The following SLC13A3 variants were observed in gnomAD, a reference collection of about 807,000 sequenced individuals.
SLC13A3 encodes Na(+)/dicarboxylate cotransporter 3.
A neutral mutation model predicts 59.0 loss-of-function variants in SLC13A3; 40 were observed. The observed-to-expected ratio is 0.68, with a 90% CI of 0.53 to 0.88. The LOEUF is 0.88. Among genes scored for constraint, SLC13A3 ranks in the 40% least tolerant of loss-of-function variants. The pLI, the probability that SLC13A3 is intolerant of heterozygous loss-of-function variation, is 0.00. For missense variants in SLC13A3, 699 were observed against 783.2 expected (o/e 0.89, Z 1.28); for synonymous variants, 317 against 330.3 (o/e 0.96, Z 0.44).
At chr20:46,593,119 G>A (rs963530041) in intron 5 of SLC13A3, among the ~76,000 whole-genome samples, 1 of 152,158 alleles carries the variant, frequency 6.6e-6, no homozygotes, top group African/African-American at 2.4e-5. Flanking sequence ...TCCAATCTCA[G>A]TTTTATTAAG....
At chr20:46,598,044 A>G (rs917915341) in intron 4 of SLC13A3, among the ~76,000 whole-genome samples, 4 of 152,224 alleles carry the variant, frequency 2.6e-5, no homozygotes, top group African/African-American at 9.6e-5. Flanking sequence ...TGAATCTGAA[A>G]AAAAGATAAA....
At chr20:46,647,472 C>T (rs1187936863) in intron 1 of SLC13A3, among the ~76,000 whole-genome samples, 1 of 152,140 alleles carries the variant, frequency 6.6e-6, no homozygotes, top group Non-Finnish European at 1.5e-5. Context: ...ACCTCTAACT[C>T]GCAGGATGGC....
intron 1 of SLC13A3, among the ~76,000 whole-genome samples, chr20:46,625,634 C>T (rs2062660941): frequency 6.6e-6 from 1 of 152,236 alleles, no homozygotes; most frequent in Admixed American, 6.5e-5. Flanking sequence ...CCCACATCCT[C>T]TCCAAAACAG....
At chr20:46,582,016 G>A (rs558651348) in intron 9 of SLC13A3, among the ~76,000 whole-genome samples, 1 of 152,306 alleles carries the variant, frequency 6.6e-6, no homozygotes, top group East Asian at 1.9e-4. Flanking sequence ...GGTCGCACAT[G>A]GTGGCTCATA....
chr20:46,651,963 T>C (rs573341120), upstream of SLC13A3, among the ~76,000 whole-genome samples: 8 of 152,332 alleles, frequency 5.3e-5, no homozygotes, highest in African/African-American at 1.9e-4. Context: ...TGGAGGCCAT[T>C]ATCCTTAGCA....
In SLC13A3 at chr20:46,623,183, T is replaced by C. The variant is rs113897432; in HGVS notation, c.112-9458A>G. Reference sequence around the variant, plus strand: ...AGAAAAGAAAATGGAATACAATGGTTGAGAACAGTGACATGCAGTCACCTG... The same window carrying C: ...AGAAAAGAAAATGGAATACAATGGTCGAGAACAGTGACATGCAGTCACCTG... On this transcript the variant is annotated intron_variant, in intron 1 of 12. Coordinates refer to ENST00000279027, the MANE Select transcript of SLC13A3 (RefSeq NM_022829.6). Among the ~76,000 whole-genome samples, 960 of 152,304 alleles carry C rather than the reference T, an allele frequency of 6.3e-3. 14 individuals carry two copies. The highest frequency in any genetic ancestry group is 0.022 in the African/African-American group (920 of 41,582).
chr20:46,592,821 T>C (rs548740262), intron 5 of SLC13A3, among the ~76,000 whole-genome samples: 104 of 152,282 alleles, frequency 6.8e-4, no homozygotes, highest in Non-Finnish European at 1.2e-3. Flanking sequence ...GGCTGGGCCA[T>C]GGTGAATTGA....
chr20:46,604,728 A>G (rs1425258856), intron 3 of SLC13A3, among the ~76,000 whole-genome samples: 2 of 152,158 alleles, frequency 1.3e-5, no homozygotes, highest in African/African-American at 4.8e-5. Context: ...GCCCTGGGCC[A>G]TAGGGATGAG....
chr20:46,638,770 G>A (rs958770656), intron 1 of SLC13A3, among the ~76,000 whole-genome samples: 1 of 152,190 alleles, frequency 6.6e-6, no homozygotes, highest in Non-Finnish European at 1.5e-5. Flanking sequence ...TGGGGCAGCG[G>A]TTCTCAGCCT....
chr20:46,590,584 GA>G (rs2062243247), intron 6 of SLC13A3, among the ~76,000 whole-genome samples: 1 of 152,126 alleles, frequency 6.6e-6, no homozygotes, highest in African/African-American at 2.4e-5. Flanking sequence ...CCAAACCTAT[GA>G]AAAGTTGCCC....
intron 7 of SLC13A3, 83 bp downstream of exon 7, chr20:46,589,077 A>G: frequency 8.1e-7 from 1 of 1,242,206 alleles, no homozygotes; most frequent in Non-Finnish European, 1.1e-6. Context: ...CTCAGCCCCC[A>G]TGGGCCCAAG....
At chr20:46,646,763 A>G (rs2062898177) in intron 1 of SLC13A3, among the ~76,000 whole-genome samples, 1 of 152,254 alleles carries the variant, frequency 6.6e-6, no homozygotes, top group Non-Finnish European at 1.5e-5. Flanking sequence ...TAGTACAGGC[A>G]CAATGTATTA....
chr20:46,651,172 A>T, intron 1 of SLC13A3, 139 bp downstream of exon 1: 1 of 1,318,736 alleles, frequency 7.6e-7, no homozygotes, highest in Non-Finnish European at 9.7e-7. Flanking sequence ...GGTCCGCGGC[A>T]GGTGCAAGGG....
intron 11 of SLC13A3, 58 bp from the exon 12 acceptor site, chr20:46,563,609 CAAGAGG>C: frequency 2.5e-6 from 2 of 784,390 alleles, no homozygotes; most frequent in African/African-American, 3.4e-5. Flanking sequence ...GCGACCACAG[CAAGAGG>C]GAGAGAGAGA....
Position 46,589,179 on chromosome 20 carries a change from G to T in SLC13A3, c.997C>A (p.Gln333Lys). The T allele has an allele frequency of 6.2e-7, 1 of 1,614,078 alleles. No homozygotes were observed. Among genetic ancestry groups the T allele is most frequent in the Non-Finnish European group, 8.5e-7 (1 of 1,179,980 alleles). The change falls in exon 7 of 13, where the codon CAG becomes AAG. Residue 333 changes from glutamine (Q) to lysine (K), a missense_variant. Physicochemically the swap from Gln to Lys is moderately conservative, Grantham distance 53. Transcript: ENST00000279027. Reference sequence around the variant, plus strand: ...ACATACTTGATGGGCCCCAGGTTCTGGTATTCTTCCCGAATTACAGCTCGA... The same window carrying T: ...ACATACTTGATGGGCCCCAGGTTCTTGTATTCTTCCCGAATTACAGCTCGA... ...RARAVIREEYQNLGPIKFAEQ... is the reference protein window; with the variant it reads ...RARAVIREEYKNLGPIKFAEQ...
At chr20:46,571,280 T>C (rs1399446766) in intron 10 of SLC13A3, among the ~76,000 whole-genome samples, 2 of 152,164 alleles carry the variant, frequency 1.3e-5, no homozygotes, top group Non-Finnish European at 2.9e-5. Context: ...ATAATAAAGA[T>C]GACAGACTTC....
At chr20:46,583,735 T>C (rs2094920387) in intron 8 of SLC13A3, 66 bp from the exon 9 acceptor site, 1 of 1,595,316 alleles carries the variant, frequency 6.3e-7, no homozygotes, top group Non-Finnish European at 8.5e-7. Context: ...TTGGCAGAAT[T>C]GTAAAGGAGG....
intron 1 of SLC13A3, among the ~76,000 whole-genome samples, chr20:46,636,240 A>T (rs2062794266): frequency 6.6e-6 from 1 of 152,034 alleles, no homozygotes; most frequent in African/African-American, 2.4e-5. Flanking sequence ...CTGCACTGGG[A>T]CCCCTTTCTG....
At chr20:46,641,511 G>A (rs2062845971) in intron 1 of SLC13A3, among the ~76,000 whole-genome samples, 1 of 152,294 alleles carries the variant, frequency 6.6e-6, no homozygotes, top group African/African-American at 2.4e-5. Flanking sequence ...GTGTGCTTGA[G>A]AAGCAGGAGG....
Sources: allele counts gnomAD v4.1 joint callset (sites outside exome capture counted in the v4.1 genomes callset), GRCh38; gene constraint gnomAD v4.1.1; transcripts MANE v1.5; gene names NCBI Gene and HGNC (gene_info 2026-07-23, HGNC 2026-07-21).